Variants in THSD7B observed in about 807,000 individuals in gnomAD.
THSD7B encodes the protein thrombospondin type 1 domain containing 7B.
In THSD7B, 138 loss-of-function variants were observed where a neutral mutation model predicts 213.6. The observed-to-expected ratio is 0.65, with a 90% CI of 0.56 to 0.74. THSD7B has a LOEUF of 0.74. Ranked by LOEUF, THSD7B falls within the 30% of genes least tolerant of loss-of-function variation. THSD7B has a pLI of 0.00. For synonymous variants in THSD7B, 742 were observed against 687.0 expected, an observed-to-expected ratio of 1.08 and a Z score of -1.25; for missense variants, 1,931 against 1,991.5, an observed-to-expected ratio of 0.97 and a Z score of 0.58.
intron 12 of THSD7B, among the ~76,000 whole-genome samples, chr2:137,340,296 T>C (rs1474298215): frequency 6.6e-6 from 1 of 151,712 alleles, no homozygotes; most frequent in Non-Finnish European, 1.5e-5. Flanking sequence ...GATGTAAAGG[T>C]TTTAGGAGGA....
At chr2:137,531,798 T>A (rs1047063236) in intron 15 of THSD7B, among the ~76,000 whole-genome samples, 1 of 151,964 alleles carries the variant, frequency 6.6e-6, no homozygotes, top group Admixed American at 6.6e-5. Context: ...CTACCTAGTA[T>A]CTAATGCTTA....
intron 7 of THSD7B, among the ~76,000 whole-genome samples, chr2:137,200,885 T>C (rs77680799): frequency 3.4e-5 from 1 of 29,422 alleles, no homozygotes; most frequent in African/African-American, 1.2e-4. Flanking sequence ...CCCAGACTGG[T>C]CTCCAACTCC....
chr2:137,138,343 C>T (rs773415755), intron 5 of THSD7B, among the ~76,000 whole-genome samples: 1 of 152,102 alleles, frequency 6.6e-6, no homozygotes, highest in Non-Finnish European at 1.5e-5. Context: ...TATGCACCTG[C>T]CAGCTGTGTG....
intron 7 of THSD7B, among the ~76,000 whole-genome samples, chr2:137,206,761 A>G (rs1680993084): frequency 6.6e-6 from 1 of 152,088 alleles, no homozygotes; most frequent in Non-Finnish European, 1.5e-5. Flanking sequence ...TAACTGTATT[A>G]GAGAGTCACT....
chr2:136,878,380 G>A (rs13031895), intron 1 of THSD7B, among the ~76,000 whole-genome samples: 7 of 152,146 alleles, frequency 4.6e-5, no homozygotes, highest in East Asian at 1.9e-4. Flanking sequence ...ATAAACATAC[G>A]TGTGCGTGTG....
intron 10 of THSD7B, among the ~76,000 whole-genome samples, chr2:137,265,848 C>T (rs1022846621): frequency 6.6e-6 from 1 of 152,096 alleles, no homozygotes; most frequent in Non-Finnish European, 1.5e-5. Context: ...ATTATTTAAG[C>T]TAAGATAATA....
intron 2 of THSD7B, among the ~76,000 whole-genome samples, chr2:136,968,398 C>T (rs540737991): frequency 3.3e-4 from 50 of 151,950 alleles, no homozygotes; most frequent in Admixed American, 9.2e-4. Context: ...TGTTTACTGG[C>T]GTTTTGGATT....
rs778968995 is a variant in THSD7B at position 136,983,358 on chromosome 2, G to GACACACAC, written c.140-73057_140-73050dup. Among the ~76,000 whole-genome samples the GACACACAC allele has an allele frequency of 1.3e-3, 133 of 105,058 alleles. 1 individual carries two copies. The highest frequency in any genetic ancestry group is 3.2e-3 in the South Asian group (10 of 3,140). 68.9% of individuals were successfully genotyped at this position (105,058 alleles called of 152,430 possible). A position where few individuals can be genotyped will look rare whatever the true frequency, so the allele number is the denominator to read the frequency against. ...ACACACACACACACACAGACACACAGACACACACACACGCACACACACTCA... is the reference window on the plus strand; with the variant it reads ...ACACACACACACACACAGACACACAGACACACACACACACACACACGCACACACACTCA... On this transcript the variant is annotated intron_variant, in intron 2 of 27. Coordinates refer to ENST00000409968, the MANE Select transcript of THSD7B (RefSeq NM_001316349.2).
rs577267142 is a variant in THSD7B, at chr2:136,822,169, A to G, written c.-36+56482A>G. Among the ~76,000 whole-genome samples, 16 of 152,306 alleles carry G rather than the reference A, an allele frequency of 1.1e-4. No individual in the cohort carries two copies. The South Asian group carries it at 3.1e-3, about 30-fold the overall frequency. ...CTTGCCTTTTACGTTCTCTGAATGA[A>G]GTAGAGACTAATGCTTTTGGTCTCT... is the stretch of plus-strand genomic sequence containing the variant. On this transcript the variant is annotated intron_variant, in intron 1 of 27. Transcript: ENST00000409968.
At chr2:137,264,758 A>G (rs938632379) in intron 10 of THSD7B, among the ~76,000 whole-genome samples, 8 of 150,702 alleles carry the variant, frequency 5.3e-5, no homozygotes, top group African/African-American at 1.7e-4. Context: ...TTTTAATTCC[A>G]TGTTTCACAA....
intron 3 of THSD7B, among the ~76,000 whole-genome samples, chr2:137,084,942 A>G (rs1209710681): frequency 6.6e-6 from 1 of 152,190 alleles, no homozygotes; most frequent in African/African-American, 2.4e-5. Context: ...CAATGGTCCT[A>G]AAAATTACCC....
intron 2 of THSD7B, among the ~76,000 whole-genome samples, chr2:137,047,506 C>T (rs1686992493): frequency 6.6e-6 from 1 of 152,118 alleles, no homozygotes; most frequent in African/African-American, 2.4e-5. Flanking sequence ...CTGGCTTATG[C>T]CTCCAGAAAC....
chr2:137,044,100 TCTC>T (rs1311287313), intron 2 of THSD7B, among the ~76,000 whole-genome samples: 3 of 152,186 alleles, frequency 2.0e-5, no homozygotes, highest in African/African-American at 7.2e-5. Context: ...TTTCTCAGCT[TCTC>T]CTCCTTCCTC....
At chr2:136,949,004 C>T (rs1684989964) in intron 2 of THSD7B, among the ~76,000 whole-genome samples, 1 of 152,118 alleles carries the variant, frequency 6.6e-6, no homozygotes, top group African/African-American at 2.4e-5. Context: ...TGAGGGGTCT[C>T]ACTCTGTTTC....
chr2:137,076,980 C>T (rs1345904661), intron 3 of THSD7B, among the ~76,000 whole-genome samples: 1 of 105,422 alleles, frequency 9.5e-6, no homozygotes, highest in Non-Finnish European at 1.8e-5. Context: ...CCCCCCTCCC[C>T]CCACCCCACA....
intron 1 of THSD7B, among the ~76,000 whole-genome samples, chr2:136,811,620 T>A (rs1682378592): frequency 6.6e-6 from 1 of 152,234 alleles, no homozygotes; most frequent in Non-Finnish European, 1.5e-5. Context: ...ATGATGGTCA[T>A]ACACTAGGAT....
chr2:137,138,014 T>A (rs1679502483), intron 5 of THSD7B, among the ~76,000 whole-genome samples: 1 of 152,110 alleles, frequency 6.6e-6, no homozygotes, highest in Non-Finnish European at 1.5e-5. Flanking sequence ...TCCTCCCTCC[T>A]CAGCCTCCCA....
intron 17 of THSD7B, among the ~76,000 whole-genome samples, chr2:137,595,160 A>C (rs894972784): frequency 6.6e-6 from 1 of 151,970 alleles, no homozygotes; most frequent in Admixed American, 6.6e-5. Context: ...ATGATATTTT[A>C]TCACTCTAGC....
At chr2:137,253,303 C>G (rs1157949826) in intron 10 of THSD7B, among the ~76,000 whole-genome samples, 1 of 152,056 alleles carries the variant, frequency 6.6e-6, no homozygotes, top group Non-Finnish European at 1.5e-5. Context: ...GAAAGATAAG[C>G]AAATGTAGGT....
Sources: allele counts gnomAD v4.1 joint callset (sites outside exome capture counted in the v4.1 genomes callset), GRCh38; gene constraint gnomAD v4.1.1; transcripts MANE v1.5; gene names NCBI Gene and HGNC (gene_info 2026-07-23, HGNC 2026-07-21).